Variants in RNF216 observed in about 807,000 individuals in gnomAD.
The protein encoded by RNF216 is E3 ubiquitin-protein ligase RNF216.
In RNF216, 72 loss-of-function variants were observed where a neutral mutation model predicts 110.8. The observed-to-expected ratio is 0.65, with a 90% confidence interval of 0.54 to 0.79. The LOEUF (loss-of-function observed/expected upper bound fraction) is 0.79. Ranked by LOEUF, RNF216 falls within the 30% of genes least tolerant of loss-of-function variation. The probability of loss-of-function intolerance (pLI) is 0.00; values close to 1 mark genes in which losing one functional copy is unlikely to be tolerated. For synonymous variants in RNF216, 495 were observed against 407.5 expected (o/e 1.21, Z -2.59); for missense variants, 1,342 against 1,141.2 (o/e 1.18, Z -2.54).
chr7:5,628,579 G>A (rs1786861232), intron 15 of RNF216, among the ~76,000 whole-genome samples: 1 of 152,120 alleles, frequency 6.6e-6, no homozygotes, highest in Admixed American at 6.5e-5. Flanking sequence ...CTGGGGTGCA[G>A]TGGCACCATC....
chr7:5,729,678 G>T, intron 6 of RNF216, 82 bp from the exon 7 acceptor site: 1 of 1,162,456 alleles, frequency 8.6e-7, no homozygotes. Flanking sequence ...AATTACATGT[G>T]TAGAAAAGAA....
chr7:5,725,142 A>G (rs187234169), intron 8 of RNF216, among the ~76,000 whole-genome samples, 182 bp downstream of exon 8: 17 of 152,332 alleles, frequency 1.1e-4, no homozygotes, highest in African/African-American at 4.1e-4. Flanking sequence ...AAGGAAGCCA[A>G]CAAGTGCAGC....
chr7:5,741,029 C>T lies in RNF216; in HGVS notation c.988G>A (p.Gly330Arg). 1 of 1,613,894 alleles carries T rather than the reference C, an allele frequency of 6.2e-7. No homozygotes were observed. Among genetic ancestry groups the T allele is most frequent in the Non-Finnish European group, 8.5e-7 (1 of 1,179,942 alleles). Residue 330 changes from glycine to arginine, a missense_variant, in exon 4 of 17, where the codon GGG becomes AGG. Transcript: ENST00000389902. The stretch of plus-strand genomic sequence containing the variant: ...TGATCTACCTCTGCAGCTTCTTGCC[C>T]CCAAATGTTTTCCAAATTGGGCTCT... Reference protein sequence around the residue: ...SQEPNLENIWGQEAAEVDQEL... With the variant: ...SQEPNLENIWRQEAAEVDQEL...
chr7:5,736,024 T>A (rs999239136), intron 5 of RNF216, among the ~76,000 whole-genome samples: 2 of 152,100 alleles, frequency 1.3e-5, no homozygotes, highest in African/African-American at 4.8e-5. Flanking sequence ...ACCTGGGAGA[T>A]GGAGGCTGCA....
At chr7:5,670,028 G>A (rs1266060191) in intron 13 of RNF216, among the ~76,000 whole-genome samples, 3 of 151,990 alleles carry the variant, frequency 2.0e-5, no homozygotes, top group Non-Finnish European at 2.9e-5. Flanking sequence ...CCAAGTTCGA[G>A]CAATTCTCCT....
rs763906664 is a variant in RNF216 at position 5,711,787 on chromosome 7, T to A, written c.2035A>T (p.Ser679Cys). 3 of 1,613,708 alleles carry A rather than the reference T, an allele frequency of 1.9e-6. No individual in the cohort carries two copies. In the African/African-American group the frequency reaches 4.0e-5, roughly 22 times the overall value. The stretch of plus-strand genomic sequence containing the variant: ...TTTCGGCAGTGAGGATTAGGACAGC[T>A]GAACCTCTTCACATCACTGTCCAAC... Reference protein sequence around the residue: ...ALLDSDVKRFSCPNPHCRKET... With the variant: ...ALLDSDVKRFCCPNPHCRKET... Residue 679 changes from serine (S) to cysteine (C), a missense_variant, in exon 13 of 17, where the codon AGC (serine) becomes TGC (cysteine). Ser to Cys is a moderately radical substitution (Grantham distance 112). Transcript: ENST00000389902.
chr7:5,744,186 C>T (rs554932910), intron 3 of RNF216, among the ~76,000 whole-genome samples: 2 of 152,156 alleles, frequency 1.3e-5, no homozygotes, highest in South Asian at 2.1e-4. Flanking sequence ...GAATCGAACG[C>T]AAATTCCAGA....
At chr7:5,771,855 G>A (rs567695457) in intron 1 of RNF216, among the ~76,000 whole-genome samples, 6 of 152,138 alleles carry the variant, frequency 3.9e-5, no homozygotes, top group East Asian at 3.9e-4. Context: ...AATTAACAAC[G>A]GCTGAGTACC....
rs138328361 is a variant in RNF216, at chr7:5,765,952, C to CAAAA, written c.-69-4818_-69-4815dup. Among the ~76,000 whole-genome samples, 750 of 102,240 alleles carry CAAAA rather than the reference C, an allele frequency of 7.3e-3. 10 individuals are homozygous for CAAAA. The highest frequency in any genetic ancestry group is 0.011 in the Middle Eastern group (2 of 174). 67.1% of individuals were successfully genotyped at this position (102,240 alleles called of 152,430 possible). On this transcript the variant is annotated intron_variant, in intron 1 of 16. Transcript: ENST00000389902. ...TGAGCGACAGAGTGAGACTCTGTCTCAAAAAAAAAAAAAAAGAAAGAAAGA... is the reference window on the plus strand; with the variant it reads ...TGAGCGACAGAGTGAGACTCTGTCTCAAAAAAAAAAAAAAAAAAAGAAAGAAAGA...
At chr7:5,722,211 A>G (rs1259954397) in intron 8 of RNF216, among the ~76,000 whole-genome samples, 2 of 152,210 alleles carry the variant, frequency 1.3e-5, no homozygotes, top group African/African-American at 4.8e-5. Context: ...GGTGTGAGCC[A>G]CAACGCCTGG....
chr7:5,775,350 T>C (rs953786085), intron 1 of RNF216, among the ~76,000 whole-genome samples: 6 of 152,226 alleles, frequency 3.9e-5, no homozygotes, highest in Non-Finnish European at 7.3e-5. Context: ...TGCTTGAGGC[T>C]GTCTTCTACA....
intron 13 of RNF216, among the ~76,000 whole-genome samples, chr7:5,665,095 G>A (rs573434325): frequency 6.6e-6 from 1 of 152,270 alleles, no homozygotes; most frequent in Admixed American, 6.5e-5. Flanking sequence ...ACCGCACCCA[G>A]CCAGGACACA....
At chr7:5,733,549 C>G (rs1794213638) in intron 5 of RNF216, among the ~76,000 whole-genome samples, 1 of 151,656 alleles carries the variant, frequency 6.6e-6, no homozygotes. Context: ...AACATGGTAT[C>G]TGGTATTCAA....
chr7:5,702,105 T>A (rs1792006812), intron 13 of RNF216, among the ~76,000 whole-genome samples: 1 of 152,110 alleles, frequency 6.6e-6, no homozygotes, highest in South Asian at 2.1e-4. Context: ...GACTCTAGAC[T>A]TCCTTGGCTC....
chr7:5,772,419 A>G (rs909737769), intron 1 of RNF216, among the ~76,000 whole-genome samples: 1 of 152,076 alleles, frequency 6.6e-6, no homozygotes, highest in Admixed American at 6.6e-5. Context: ...TATAAACACA[A>G]GATTTAAATG....
chr7:5,761,164 T>C, intron 1 of RNF216, 26 bp from the exon 2 acceptor site: 4 of 684,724 alleles, frequency 5.8e-6, no homozygotes, highest in Middle Eastern at 2.6e-4. Context: ...AGAGTAACAG[T>C]AAGAATGAGG....
At chr7:5,702,659 C>G (rs1266142825) in intron 13 of RNF216, among the ~76,000 whole-genome samples, 2 of 152,168 alleles carry the variant, frequency 1.3e-5, no homozygotes, top group Non-Finnish European at 2.9e-5. Context: ...GATGTGCTTG[C>G]GTGTGTAATT....
chr7:5,751,787 G>A (rs144408072), intron 3 of RNF216, among the ~76,000 whole-genome samples: 362 of 121,776 alleles, frequency 3.0e-3, no homozygotes, highest in African/African-American at 0.011. Flanking sequence ...AGTGTTCCTT[G>A]GTCCTAGAAC....
chr7:5,653,366 G>A lies in RNF216; in HGVS notation c.2062-856C>T, dbSNP rs576538773. ...AGGAATTTGGGAGGCCGAGGTGGGC[G>A]GATCACGAGGTCATGAGGTCAGGAG... On this transcript the variant is annotated intron_variant, in intron 13 of 16. Coordinates refer to ENST00000389902, the MANE Select transcript of RNF216 (RefSeq NM_207111.4). 4.2e-3 allele frequency among the ~76,000 whole-genome samples: 639 copies of A among 152,016 alleles called. 2 individuals are homozygous for A. The highest frequency in any genetic ancestry group is 6.9e-3 in the Non-Finnish European group (468 of 67,976).
Sources: allele counts gnomAD v4.1 joint callset (sites outside exome capture counted in the v4.1 genomes callset), GRCh38; gene constraint gnomAD v4.1.1; transcripts MANE v1.5; gene names NCBI Gene and HGNC (gene_info 2026-07-23, HGNC 2026-07-21).